The following COL19A1 variants were observed in gnomAD, a reference collection of about 807,000 sequenced individuals.
The protein encoded by COL19A1 is collagen type XIX alpha 1 chain.
A neutral mutation model predicts 190.2 loss-of-function variants in COL19A1; 159 were observed. The ratio of observed to expected loss-of-function variants is 0.84; its 90% CI spans 0.73 to 0.95. COL19A1 has a LOEUF of 0.95. COL19A1 is among the 40% of genes least tolerant of loss of function. The probability of loss-of-function intolerance (pLI) is 0.00; values close to 1 mark genes in which losing one functional copy is unlikely to be tolerated. For synonymous variants in COL19A1, 509 were observed against 458.9 expected (o/e 1.11, Z -1.39); for missense variants, 1,418 against 1,431.9 (o/e 0.99, Z 0.16).
intron 11 of COL19A1, among the ~76,000 whole-genome samples, chr6:70,018,616 C>T (rs751539692): frequency 6.6e-6 from 1 of 151,938 alleles, no homozygotes; most frequent in Non-Finnish European, 1.5e-5. Flanking sequence ...AAACAAGGTC[C>T]GAGACAATGA....
chr6:69,965,278 G>A (rs935515115), intron 11 of COL19A1, among the ~76,000 whole-genome samples: 1 of 152,190 alleles, frequency 6.6e-6, no homozygotes, highest in Non-Finnish European at 1.5e-5. Context: ...TTATTGGTCA[G>A]AGATGTCATA....
chr6:69,980,608 T>A (rs1291261510), intron 11 of COL19A1, among the ~76,000 whole-genome samples: 1 of 152,160 alleles, frequency 6.6e-6, no homozygotes, highest in Non-Finnish European at 1.5e-5. Flanking sequence ...ATAATTGTTC[T>A]GATAAAATAT....
intron 11 of COL19A1, among the ~76,000 whole-genome samples, chr6:69,967,910 A>G: frequency 6.8e-6 from 1 of 146,478 alleles, no homozygotes; most frequent in East Asian, 2.0e-4. Context: ...TTAAATGTCT[A>G]CTATAACGTA....
chr6:69,933,219 T>C (rs963473971), intron 7 of COL19A1, among the ~76,000 whole-genome samples: 2 of 152,068 alleles, frequency 1.3e-5, no homozygotes, highest in Non-Finnish European at 2.9e-5. Context: ...TTCTACCCTG[T>C]CACCCATCCT....
rs1244376889 is a variant in COL19A1, at chr6:69,925,457, A to G, written c.267-2452A>G. Among the ~76,000 whole-genome samples the G allele has an allele frequency of 5.9e-5, 9 of 152,118 alleles. No individual in the cohort carries two copies. In the South Asian group the frequency reaches 8.3e-4, roughly 14 times the overall value. On this transcript the variant is annotated intron_variant, in intron 4 of 50. Coordinates refer to ENST00000620364, the MANE Select transcript of COL19A1 (RefSeq NM_001858.6). The stretch of plus-strand genomic sequence containing the variant: ...TCCATTGGTCTATATCTCTGTTTTG[A>G]TACCAGTACCATGCTGTTTTGGTTA...
At chr6:70,136,094 A>C (rs1785851004) in intron 18 of COL19A1, among the ~76,000 whole-genome samples, 2 of 152,320 alleles carry the variant, frequency 1.3e-5, no homozygotes, top group South Asian at 4.1e-4. Flanking sequence ...TGAGGTTTTA[A>C]AATTTTAGTA....
chr6:70,104,732 C>T (rs1396074476), intron 16 of COL19A1, among the ~76,000 whole-genome samples: 2 of 152,194 alleles, frequency 1.3e-5, no homozygotes, highest in Admixed American at 6.5e-5. Flanking sequence ...TGAATGCTAA[C>T]AGGCAAGATT....
chr6:69,993,903 T>A (rs570536266), intron 11 of COL19A1, among the ~76,000 whole-genome samples: 3 of 151,966 alleles, frequency 2.0e-5, no homozygotes, highest in Non-Finnish European at 2.9e-5. Flanking sequence ...AAAAGCCAGC[T>A]TTTGGTTTTG....
chr6:69,908,093 T>G (rs1770678619), intron 4 of COL19A1, among the ~76,000 whole-genome samples: 1 of 152,230 alleles, frequency 6.6e-6, no homozygotes, highest in African/African-American at 2.4e-5. Flanking sequence ...AGGCTAATTT[T>G]CAATGTTTTC....
At chr6:70,207,092 G>A in intron 50 of COL19A1, 55 bp from the exon 51 acceptor site, 3 of 1,605,018 alleles carry the variant, frequency 1.9e-6, no homozygotes, top group Non-Finnish European at 2.6e-6. Flanking sequence ...TAGAGGGTGG[G>A]AGAGAGGAAG....
chr6:70,068,384 TG>T, intron 14 of COL19A1, 38 bp from the exon 15 acceptor site: 1 of 1,281,552 alleles, frequency 7.8e-7, no homozygotes, highest in Non-Finnish European at 1.1e-6. Context: ...CAGGTGTACT[TG>T]AAACAGTGTA....
intron 42 of COL19A1, among the ~76,000 whole-genome samples, chr6:70,179,409 C>G (rs185487822): frequency 1.2e-4 from 19 of 152,328 alleles, no homozygotes; most frequent in African/African-American, 4.6e-4. Context: ...ACACTCAGGC[C>G]TTGTGTGCTT....
At chr6:69,926,523 G>C (rs1213689489) in intron 4 of COL19A1, among the ~76,000 whole-genome samples, 2 of 151,904 alleles carry the variant, frequency 1.3e-5, no homozygotes, top group Non-Finnish European at 2.9e-5. Context: ...TTACAGGAGG[G>C]GTTCAAGAAC....
At position 69,879,643 on chromosome 6, in the gene COL19A1, G is replaced by A. The variant is rs183001892; in HGVS notation, c.76G>A (p.Val26Ile). 63 of 1,613,968 alleles carry A rather than the reference G, an allele frequency of 3.9e-5. No individual in the cohort carries two copies. The highest frequency in any genetic ancestry group is 1.6e-4 in the East Asian group (7 of 44,876). ...GCTTCCTGCTTCCACTTCCGTGACC[G>A]TTAGGGACAAGACAGGTATCCAGGC... ...FLLPASTSVT[V>I]RDKTEESCPI... Residue 26 changes from valine (V) to isoleucine (I), a missense_variant, in exon 2 of 51, where the codon GTT becomes ATT. Coordinates refer to ENST00000620364, the MANE Select transcript of COL19A1 (RefSeq NM_001858.6).
chr6:69,913,942 G>A (rs978865488), intron 4 of COL19A1, among the ~76,000 whole-genome samples: 1 of 151,864 alleles, frequency 6.6e-6, no homozygotes, highest in Admixed American at 6.6e-5. Flanking sequence ...GGCAGGGTTG[G>A]GTTTAATCCA....
At chr6:70,111,999 T>C (rs957477732) in intron 16 of COL19A1, among the ~76,000 whole-genome samples, 9 of 152,306 alleles carry the variant, frequency 5.9e-5, no homozygotes, top group African/African-American at 2.2e-4. Context: ...GAAACTTGCA[T>C]TTTCTTAACT....
intron 16 of COL19A1, among the ~76,000 whole-genome samples, chr6:70,103,413 T>C (rs896064960): frequency 2.0e-5 from 3 of 152,184 alleles, no homozygotes; most frequent in Non-Finnish European, 4.4e-5. Flanking sequence ...TAGGTGGGCT[T>C]GGATGGCTTA....
In COL19A1 at chr6:70,092,429, CT is replaced by C. The variant is rs3840401; in HGVS notation, c.1225-9738del. The stretch of plus-strand genomic sequence containing the variant: ...AAGGCAAGCTCTAGGTCTTAATCAT[CT>C]TAATATATTTTCCCCAACACAGCAG... On this transcript the variant is annotated intron_variant, in intron 15 of 50. Transcript: ENST00000620364. Among the ~76,000 whole-genome samples, 80 of 152,224 alleles carry C rather than the reference CT, an allele frequency of 5.3e-4. 1 individual carries two copies. In the East Asian group the frequency reaches 0.014, roughly 26 times the overall value.
chr6:69,931,385 A>G (rs1363885494), intron 6 of COL19A1, among the ~76,000 whole-genome samples: 2 of 152,194 alleles, frequency 1.3e-5, no homozygotes, highest in Non-Finnish European at 2.9e-5. Flanking sequence ...CTGTCATTTC[A>G]ATGTCATGGA....
Sources: gnomAD v4.1 joint callset for allele counts (sites outside exome capture counted in the v4.1 genomes callset) on GRCh38, gnomAD v4.1.1 for gene constraint, MANE v1.5 for transcripts, NCBI Gene and HGNC (gene_info 2026-07-23, HGNC 2026-07-21) for gene names.